The following UGT1A7 variants were observed in gnomAD, a reference collection of about 807,000 sequenced individuals.
UGT1A7 encodes UDP glucuronosyltransferase family 1 member A7.
UGT1A7 carries 33 observed loss-of-function variants against 45.6 expected under a neutral mutation model. The observed-to-expected ratio is 0.72, with a 90% CI of 0.55 to 0.97. The LOEUF (loss-of-function observed/expected upper bound fraction) is 0.97. Ranked by LOEUF, UGT1A7 falls within the 50% of genes least tolerant of loss-of-function variation. The pLI, the probability that UGT1A7 is intolerant of heterozygous loss-of-function variation, is 0.00. For synonymous variants in UGT1A7, 274 were observed against 250.6 expected (o/e 1.09, Z -0.88); for missense variants, 684 against 666.2 (o/e 1.03, Z -0.29).
rs760844779 is a variant in UGT1A7 at position 233,772,567 on chromosome 2, G to A, written c.*8G>A. On this transcript the variant is annotated 3_prime_UTR_variant, in exon 5 of 5. Transcript: ENST00000373426. ...AAATCCAAGACCCATTGAGAAGTGG[G>A]TGGGAAATAAGGTAAAATTTTGAAC... 6.2e-7 allele frequency: 1 copy of A among 1,612,906 alleles called. No individual in the cohort carries two copies.
intron 1 of UGT1A7, chr2:233,761,302 C>G: frequency 6.8e-7 from 1 of 1,473,836 alleles, no homozygotes. Context: ...AGGTTTGAGT[C>G]TGTCTTTGGC....
intron 1 of UGT1A7, chr2:233,691,420 A>T: frequency 1.0e-6 from 1 of 985,520 alleles, no homozygotes; most frequent in Non-Finnish European, 1.2e-6. Flanking sequence ...TGGCCCCTCT[A>T]ATCATGTTGC....
At chr2:233,726,039 A>T (rs544093615) in intron 1 of UGT1A7, among the ~76,000 whole-genome samples, 9 of 152,100 alleles carry the variant, frequency 5.9e-5, no homozygotes, top group Admixed American at 1.3e-4. Flanking sequence ...GATGGCGCAC[A>T]CCTGTGGTCC....
intron 1 of UGT1A7, chr2:233,692,907 G>A: frequency 6.4e-7 from 1 of 1,552,706 alleles, no homozygotes; most frequent in Non-Finnish European, 8.7e-7. Context: ...GACAGGACCT[G>A]TGAAAAGCAG....
At chr2:233,692,827 A>T (rs2075116460) in intron 1 of UGT1A7, 1 of 1,441,400 alleles carries the variant, frequency 6.9e-7, no homozygotes, top group Non-Finnish European at 9.1e-7. Flanking sequence ...TAACCATGTG[A>T]TTAAAATGGT....
chr2:233,729,230 C>T, intron 1 of UGT1A7: 2 of 1,614,168 alleles, frequency 1.2e-6, no homozygotes, highest in Non-Finnish European at 1.7e-6. Context: ...TTGGTGGTGC[C>T]CATTGATGGC....
intron 1 of UGT1A7, among the ~76,000 whole-genome samples, chr2:233,692,638 A>G (rs1027065840): frequency 6.6e-6 from 1 of 152,230 alleles, no homozygotes; most frequent in African/African-American, 2.4e-5. Flanking sequence ...GACAACGTCA[A>G]TGATGAGGAA....
intron 1 of UGT1A7, among the ~76,000 whole-genome samples, chr2:233,730,798 G>C (rs772379862): frequency 4.6e-5 from 7 of 152,122 alleles, no homozygotes; most frequent in Non-Finnish European, 7.3e-5. Flanking sequence ...AGTGATGAAT[G>C]GACATGCGTC....
At chr2:233,770,165 A>G (rs941175167) in intron 4 of UGT1A7, 2 of 152,226 alleles carry the variant, frequency 1.3e-5, no homozygotes, top group Admixed American at 1.3e-4. Context: ...ACACAAATCA[A>G]TGAGCTCAAC....
chr2:233,719,799 G>C, intron 1 of UGT1A7: 11 of 1,603,246 alleles, frequency 6.9e-6, no homozygotes, highest in Non-Finnish European at 8.5e-6. Context: ...ATTTTATTTT[G>C]GCTTCTTTAT....
At chr2:233,697,557 G>T (rs1418823193) in intron 1 of UGT1A7, among the ~76,000 whole-genome samples, 2 of 146,376 alleles carry the variant, frequency 1.4e-5, no homozygotes, top group Admixed American at 6.8e-5. Flanking sequence ...TGTTTATTTA[G>T]CCTCAATTTA....
At chr2:233,708,287 G>A (rs2076011328) in intron 1 of UGT1A7, among the ~76,000 whole-genome samples, 1 of 152,124 alleles carries the variant, frequency 6.6e-6, no homozygotes, top group African/African-American at 2.4e-5. Flanking sequence ...ATCATCAAAT[G>A]CTTTCAGTTT....
At chr2:233,695,645 C>T (rs1431820940) in intron 1 of UGT1A7, among the ~76,000 whole-genome samples, 1 of 152,012 alleles carries the variant, frequency 6.6e-6, no homozygotes, top group Non-Finnish European at 1.5e-5. Flanking sequence ...ACTTTTTTAG[C>T]TCCACATATA....
At chr2:233,714,728 C>T (rs2076408539) in intron 1 of UGT1A7, among the ~76,000 whole-genome samples, 1 of 152,116 alleles carries the variant, frequency 6.6e-6, no homozygotes, top group African/African-American at 2.4e-5. Context: ...GTTGTTAAGT[C>T]TTCAAAATCT....
chr2:233,772,220 C>T (rs1700484860), intron 4 of UGT1A7, 42 bp from the exon 5 acceptor site: 1 of 1,612,710 alleles, frequency 6.2e-7, no homozygotes, highest in Non-Finnish European at 8.5e-7. Flanking sequence ...ATTGTTCATA[C>T]CACAGGTGTT....
At chr2:233,719,385 A>C in intron 1 of UGT1A7, 1 of 1,613,980 alleles carries the variant, frequency 6.2e-7, no homozygotes, top group Non-Finnish European at 8.5e-7. Flanking sequence ...ACAGTGTCCA[A>C]ATCCTTCCTC....
chr2:233,703,301 T>C (rs2075730919), intron 1 of UGT1A7, among the ~76,000 whole-genome samples: 1 of 150,038 alleles, frequency 6.7e-6, no homozygotes, highest in Non-Finnish European at 1.5e-5. Flanking sequence ...ATTCCCTCTT[T>C]CATTTCATAT....
intron 1 of UGT1A7, chr2:233,743,097 G>A: frequency 2.8e-6 from 1 of 351,688 alleles, no homozygotes; most frequent in Non-Finnish European, 5.6e-6. Flanking sequence ...AAATTCTTGG[G>A]TACAGCTGTT....
chr2:233,755,295 G>A (rs566293280), intron 1 of UGT1A7: 4 of 631,344 alleles, frequency 6.3e-6, no homozygotes, highest in African/African-American at 3.8e-5. Context: ...AGCCTGCGGG[G>A]CACTGGCACA....
Sources: allele counts gnomAD v4.1 joint callset (sites outside exome capture counted in the v4.1 genomes callset), GRCh38; gene constraint gnomAD v4.1.1; transcripts MANE v1.5; gene names NCBI Gene and HGNC (gene_info 2026-07-23, HGNC 2026-07-21).